Variants in FABP6 observed in about 807,000 individuals in gnomAD.
The protein encoded by FABP6 is gastrotropin.
In FABP6, 13 loss-of-function variants were observed where a neutral mutation model predicts 14.9. The observed-to-expected ratio is 0.87, with a 90% CI of 0.57 to 1.39. The LOEUF is 1.39. Among genes scored for constraint, FABP6 ranks in the 40% most tolerant of loss-of-function variants. FABP6 has a pLI of 0.00. For synonymous variants in FABP6, 75 were observed against 63.6 expected (o/e 1.18, Z -0.85); for missense variants, 161 against 167.2 (o/e 0.96, Z 0.20).
intron 1 of FABP6, among the ~76,000 whole-genome samples, chr5:160,195,215 C>T (rs1028631897): frequency 6.1e-5 from 8 of 132,150 alleles, no homozygotes; most frequent in African/African-American, 2.3e-4. Flanking sequence ...AACCTGGAGG[C>T]AGAGGTTGCA....
At chr5:160,236,102 G>A (rs974308713) in intron 3 of FABP6, among the ~76,000 whole-genome samples, 1 of 147,082 alleles carries the variant, frequency 6.8e-6, no homozygotes, top group Non-Finnish European at 1.5e-5. Flanking sequence ...TGCAACCTCC[G>A]CCCTCAGGTT....
intron 2 of FABP6, among the ~76,000 whole-genome samples, chr5:160,207,296 G>T (rs909683821): frequency 6.6e-6 from 1 of 152,208 alleles, no homozygotes; most frequent in Non-Finnish European, 1.5e-5. Context: ...TCCCAGGCCT[G>T]CATCTTCCAT....
intron 1 of FABP6, among the ~76,000 whole-genome samples, chr5:160,188,615 G>A (rs1385952099): frequency 4.6e-5 from 7 of 152,232 alleles, no homozygotes; most frequent in African/African-American, 1.7e-4. Flanking sequence ...CAGGCCCGGA[G>A]GTGTCGCCCC....
At chr5:160,188,866 T>A (rs1163101385) in intron 1 of FABP6, among the ~76,000 whole-genome samples, 1 of 152,098 alleles carries the variant, frequency 6.6e-6, no homozygotes, top group Non-Finnish European at 1.5e-5. Context: ...CCCCATCCCC[T>A]TGGGGTGGCC....
intron 1 of FABP6, among the ~76,000 whole-genome samples, chr5:160,190,552 G>A (rs977913822): frequency 2.6e-5 from 4 of 152,142 alleles, no homozygotes; most frequent in African/African-American, 9.7e-5. Context: ...TTTTACAGAA[G>A]AGAAAACTGA....
intron 1 of FABP6, among the ~76,000 whole-genome samples, chr5:160,192,949 A>C (rs1458917237): frequency 6.6e-6 from 1 of 152,184 alleles, no homozygotes. Flanking sequence ...CTGTCTCTAC[A>C]AAAAATAAAA....
chr5:160,213,705 G>A (rs1354658632), intron 2 of FABP6: 2 of 1,601,760 alleles, frequency 1.2e-6, no homozygotes, highest in Non-Finnish European at 8.6e-7. Flanking sequence ...ACTCAGGATA[G>A]GCCAATCAGA....
chr5:160,193,979 G>A (rs183954358), intron 1 of FABP6, among the ~76,000 whole-genome samples: 3 of 152,376 alleles, frequency 2.0e-5, no homozygotes, highest in East Asian at 1.9e-4. Context: ...GGGCTGCACA[G>A]GTGCCCACGG....
At chr5:160,227,682 C>G (rs1323825270), upstream of FABP6, among the ~76,000 whole-genome samples, 1 of 151,472 alleles carries the variant, frequency 6.6e-6, no homozygotes, top group African/African-American at 2.4e-5. Context: ...GAGACCCTGT[C>G]TCAGGAAAAA....
chr5:160,228,306 G>A (rs1760295061), upstream of FABP6, among the ~76,000 whole-genome samples: 1 of 152,084 alleles, frequency 6.6e-6, no homozygotes, highest in Admixed American at 6.6e-5. Context: ...CAGGAGAATT[G>A]CTTGAACCCG....
At chr5:160,216,107 C>A (rs972299456) in intron 3 of FABP6, among the ~76,000 whole-genome samples, 4 of 152,042 alleles carry the variant, frequency 2.6e-5, no homozygotes, top group African/African-American at 9.7e-5. Context: ...AGGGGATGAA[C>A]TGGGGAAAAT....
At chr5:160,220,466 G>A (rs1000488797) in intron 3 of FABP6, among the ~76,000 whole-genome samples, 6 of 152,110 alleles carry the variant, frequency 3.9e-5, no homozygotes, top group Admixed American at 6.6e-5. Context: ...AAAATTAGCC[G>A]TGCGTGGTGG....
chr5:160,237,332 GTCA>G (rs1760539352), intron 3 of FABP6, among the ~76,000 whole-genome samples: 1 of 152,012 alleles, frequency 6.6e-6, no homozygotes, highest in Non-Finnish European at 1.5e-5. Context: ...AGAGTTCAGG[GTCA>G]TCATGCACAC....
chr5:160,228,615 A>T, upstream of FABP6: 1 of 447,792 alleles, frequency 2.2e-6, no homozygotes, highest in Admixed American at 2.4e-5. Context: ...AAGCTTGAAC[A>T]AAATAAAACT....
chr5:160,218,061 C>T (rs1580913698), intron 3 of FABP6, among the ~76,000 whole-genome samples: 1 of 152,076 alleles, frequency 6.6e-6, no homozygotes, highest in African/African-American at 2.4e-5. Context: ...TTTAGCCCCT[C>T]GAGTAGCAGG....
At chr5:160,217,571 C>T (rs1028263379) in intron 3 of FABP6, among the ~76,000 whole-genome samples, 2 of 151,918 alleles carry the variant, frequency 1.3e-5, no homozygotes, top group African/African-American at 4.8e-5. Context: ...CCAGGTGCTG[C>T]GAAAAGTACT....
At chr5:160,227,899 T>C (rs1363765273), upstream of FABP6, among the ~76,000 whole-genome samples, 1 of 151,070 alleles carries the variant, frequency 6.6e-6, no homozygotes, top group African/African-American at 2.4e-5. Flanking sequence ...GAGTCCTGGC[T>C]GGAGTTAGAA....
chr5:160,214,276 G>C (rs186642598), intron 3 of FABP6, among the ~76,000 whole-genome samples: 1 of 151,880 alleles, frequency 6.6e-6, no homozygotes, highest in African/African-American at 2.4e-5. Flanking sequence ...TGATCCTCCA[G>C]CCTCAGCCTC....
At chr5:160,219,491 T>C (rs1201643450) in intron 3 of FABP6, among the ~76,000 whole-genome samples, 2 of 152,048 alleles carry the variant, frequency 1.3e-5, no homozygotes, top group Non-Finnish European at 1.5e-5. Flanking sequence ...TCTGAACAAA[T>C]AGGTAAACCC....
Sources: gnomAD v4.1 joint callset for allele counts (sites outside exome capture counted in the v4.1 genomes callset) on GRCh38, gnomAD v4.1.1 for gene constraint, MANE v1.5 for transcripts, NCBI Gene and HGNC (gene_info 2026-07-23, HGNC 2026-07-21) for gene names.